KLHL23: variants seen among roughly 807,000 people sequenced by gnomAD.
The protein encoded by KLHL23 is kelch like family member 23, also known as kelch-like protein 23.
Under a neutral mutation model 48.9 loss-of-function variants are expected in KLHL23, and 33 were observed. The observed-to-expected ratio is 0.67, with a 90% CI of 0.51 to 0.90. KLHL23 has a LOEUF of 0.90. KLHL23 is among the 40% of genes least tolerant of loss of function. The pLI, the probability that KLHL23 is intolerant of heterozygous loss-of-function variation, is 0.00. For synonymous variants in KLHL23, 234 were observed against 231.6 expected (o/e 1.01, Z -0.09); for missense variants, 608 against 669.6 (o/e 0.91, Z 1.02).
intron 3 of KLHL23, among the ~76,000 whole-genome samples, chr2:169,747,817 T>C (rs73008470): frequency 0.02 from 3,115 of 152,220 alleles, 100 homozygotes; most frequent in African/African-American, 0.069. Flanking sequence ...GTTCCTGTGC[T>C]GCCAGGAGGG....
chr2:169,740,016 A>G (rs1432051055), intron 2 of KLHL23, among the ~76,000 whole-genome samples: 4 of 152,228 alleles, frequency 2.6e-5, no homozygotes, highest in African/African-American at 4.8e-5. Flanking sequence ...GGCACTTACC[A>G]TGAATGGAGC....
chr2:169,742,059 C>T (rs1364556876), intron 3 of KLHL23, among the ~76,000 whole-genome samples: 3 of 152,244 alleles, frequency 2.0e-5, no homozygotes, highest in Non-Finnish European at 4.4e-5. Context: ...AACATGCTGT[C>T]TGCCCATAAG....
intron 2 of KLHL23, among the ~76,000 whole-genome samples, chr2:169,738,986 TCCCCCTCCTCCCC>T (rs1688605288): frequency 2.2e-4 from 1 of 4,558 alleles, no homozygotes; most frequent in Non-Finnish European, 3.7e-4. Context: ...CCCCTCCCCC[TCCCCCTCCTCCCC>T]TTCCCCTCCC....
chr2:169,737,049 C>T (rs1209348658), intron 2 of KLHL23, among the ~76,000 whole-genome samples: 3 of 152,164 alleles, frequency 2.0e-5, no homozygotes, highest in Non-Finnish European at 4.4e-5. Flanking sequence ...GGATCAGGCA[C>T]GCTGCCTCTG....
At chr2:169,739,887 A>G (rs1303553261) in intron 2 of KLHL23, among the ~76,000 whole-genome samples, 4 of 152,232 alleles carry the variant, frequency 2.6e-5, no homozygotes. Context: ...CCTGTACAGC[A>G]TGTTACTATA....
intron 3 of KLHL23, 72 bp from the exon 4 acceptor site, chr2:169,749,350 T>C: frequency 7.0e-7 from 1 of 1,420,288 alleles, no homozygotes; most frequent in Non-Finnish European, 9.3e-7. Context: ...ATTATTACAT[T>C]ACCACACTGT....
rs1431698367 is a variant in KLHL23, at chr2:169,751,519, G to GA, written c.*1793dup. Reference sequence around the variant, plus strand: ...TACTTTTAACCTTAAAAATAATTCAGAAAAAAGATAAATGCATGAAGACAT... The same window carrying GA: ...TACTTTTAACCTTAAAAATAATTCAGAAAAAAAGATAAATGCATGAAGACAT... On this transcript the variant is annotated 3_prime_UTR_variant, in exon 4 of 4. Coordinates refer to ENST00000392647, the MANE Select transcript of KLHL23 (RefSeq NM_144711.6). 4 of 151,852 alleles carry GA rather than the reference G, an allele frequency of 2.6e-5. No individual in the cohort carries two copies. Among genetic ancestry groups the GA allele is most frequent in the Non-Finnish European group, 4.4e-5 (3 of 67,968 alleles). 9.4% of individuals were successfully genotyped at this position (151,852 alleles called of 1,614,324 possible).
At chr2:169,747,389 T>TAATAAAAAA (rs1553477656) in intron 3 of KLHL23, among the ~76,000 whole-genome samples, 2 of 69,204 alleles carry the variant, frequency 2.9e-5, no homozygotes, top group Admixed American at 5.4e-4. Flanking sequence ...ACTCTGTCTC[T>TAATAAAAAA]AAAAAAAAAA....
At chr2:169,743,219 AT>A (rs1459089678) in intron 3 of KLHL23, among the ~76,000 whole-genome samples, 11 of 152,232 alleles carry the variant, frequency 7.2e-5, no homozygotes, top group Non-Finnish European at 1.3e-4. Flanking sequence ...GCAGTTATTT[AT>A]ATTATAAATT....
intron 2 of KLHL23, among the ~76,000 whole-genome samples, chr2:169,738,073 C>G (rs1454306204): frequency 6.6e-6 from 1 of 152,138 alleles, no homozygotes; most frequent in Admixed American, 6.6e-5. Flanking sequence ...ACCCTCATAC[C>G]TCAAAGTCCT....
chr2:169,734,769 C>A (rs935398717), intron 1 of KLHL23, among the ~76,000 whole-genome samples: 1 of 152,002 alleles, frequency 6.6e-6, no homozygotes, highest in African/African-American at 2.4e-5. Context: ...AATAGCAAAT[C>A]AGTACTCTCA....
In KLHL23 at chr2:169,749,899, G is replaced by T; in HGVS notation, c.*167G>T. On this transcript the variant is annotated 3_prime_UTR_variant, in exon 4 of 4. Transcript: ENST00000392647. ...TGTACTCCCAAACATGGTGATTCAT[G>T]GTCAAGAAAAATCTTATATATATAT... 2 of 484,830 alleles carry T rather than the reference G, an allele frequency of 4.1e-6. No homozygotes were observed. Among genetic ancestry groups the T allele is most frequent in the Non-Finnish European group, 3.2e-6 (1 of 308,998 alleles). 30.0% of individuals were successfully genotyped at this position (484,830 alleles called of 1,614,324 possible).
intron 2 of KLHL23, among the ~76,000 whole-genome samples, chr2:169,738,417 T>C (rs990561261): frequency 6.6e-6 from 1 of 152,170 alleles, no homozygotes; most frequent in Non-Finnish European, 1.5e-5. Context: ...ATACTGAACT[T>C]TTAGATTCCC....
rs1212325635 is a variant in KLHL23, at chr2:169,749,924, TATATATAC to T, written c.*194_*201del. 21 of 247,742 alleles carry T rather than the reference TATATATAC, an allele frequency of 8.5e-5. No homozygotes were observed. Among genetic ancestry groups the T allele is most frequent in the Admixed American group, 2.5e-4 (4 of 15,760 alleles). 15.3% of individuals were successfully genotyped at this position (247,742 alleles called of 1,614,324 possible). A position where few individuals can be genotyped will look rare whatever the true frequency, so the allele number is the denominator to read the frequency against. ...GGTCAAGAAAAATCTTATATATATA[TATATATAC>T]ACACACACATATATGTGTTCATATA... On this transcript the variant is annotated 3_prime_UTR_variant, in exon 4 of 4. Transcript: ENST00000392647.
At chr2:169,746,542 G>A (rs1688797070) in intron 3 of KLHL23, among the ~76,000 whole-genome samples, 1 of 152,180 alleles carries the variant, frequency 6.6e-6, no homozygotes. Context: ...TATATACTCA[G>A]TGCTAGGAGC....
intron 3 of KLHL23, 76 bp from the exon 4 acceptor site, chr2:169,749,346 A>C (rs1157742273): frequency 1.4e-5 from 19 of 1,399,006 alleles, no homozygotes; most frequent in Non-Finnish European, 9.5e-7. Context: ...AAGGATTATT[A>C]CATTACCACA....
In KLHL23 at chr2:169,741,465, A is replaced by C. The variant is rs1017220643; in HGVS notation, c.1294A>C (p.Thr432Pro). 1 of 1,614,050 alleles carries C rather than the reference A, an allele frequency of 6.2e-7. No homozygotes were observed. ...CCACTGTGGCTACAGAGGAAGCTGC[A>C]CCTATGACAAAGTTCAGAGCTACAA... ...GGHCGYRGSC[T>P]YDKVQSYNSD... Residue 432 changes from threonine to proline, a missense_variant, in exon 3 of 4, where the codon ACC becomes CCC. This residue lies in a region of KLHL23 where 179 missense variants were observed against 169.9 expected (regional missense o/e 1.05). Transcript: ENST00000392647.
intron 3 of KLHL23, among the ~76,000 whole-genome samples, chr2:169,745,665 G>A (rs1292579476): frequency 3.9e-5 from 6 of 152,102 alleles, no homozygotes. Flanking sequence ...AAGAGGGGCC[G>A]ATGTGAGGAA....
chr2:169,734,408 G>C (rs972938850), intron 1 of KLHL23, among the ~76,000 whole-genome samples: 2 of 150,194 alleles, frequency 1.3e-5, no homozygotes, highest in African/African-American at 4.9e-5. Flanking sequence ...GCGGGAACGT[G>C]GGCCGGGGCC....
Sources: gnomAD v4.1 joint callset for allele counts (sites outside exome capture counted in the v4.1 genomes callset) on GRCh38, gnomAD v4.1.1 for gene constraint, gnomAD v4.1.1 regional missense constraint, MANE v1.5 for transcripts, NCBI Gene and HGNC (gene_info 2026-07-23, HGNC 2026-07-21) for gene names.